TENM4: variants seen among roughly 807,000 people sequenced by gnomAD.
TENM4 encodes teneurin transmembrane protein 4, also known as teneurin-4.
A neutral mutation model predicts 243.3 loss-of-function variants in TENM4; 82 were observed. The observed-to-expected ratio is 0.34, with a 90% confidence interval of 0.28 to 0.40. The LOEUF is 0.40. Ranked by LOEUF, TENM4 falls within the 10% of genes least tolerant of loss-of-function variation. The pLI is 1.00. For missense variants in TENM4, 3,138 were observed against 3,673.3 expected, an observed-to-expected ratio of 0.85 and a Z score of 3.77; for synonymous variants, 1,412 against 1,456.3, an observed-to-expected ratio of 0.97 and a Z score of 0.69.
chr11:79,205,447 T>C (rs901909885), intron 3 of TENM4, among the ~76,000 whole-genome samples: 4 of 152,194 alleles, frequency 2.6e-5, no homozygotes, highest in Admixed American at 6.5e-5. Flanking sequence ...AGGATCCTCA[T>C]GTGTCCTTTT....
At chr11:78,783,020 A>T (rs955729748) in intron 16 of TENM4, among the ~76,000 whole-genome samples, 6 of 152,208 alleles carry the variant, frequency 3.9e-5, no homozygotes, top group African/African-American at 1.4e-4. Flanking sequence ...GTCAAGCTGG[A>T]ATTTTATTAA....
chr11:79,194,717 A>G (rs1863585937), intron 3 of TENM4, among the ~76,000 whole-genome samples: 1 of 152,240 alleles, frequency 6.6e-6, no homozygotes, highest in Non-Finnish European at 1.5e-5. Context: ...ATTCAGTTTT[A>G]TAAGGGAAAC....
At chr11:79,268,445 T>G (rs1380304392) in intron 2 of TENM4, among the ~76,000 whole-genome samples, 1 of 152,212 alleles carries the variant, frequency 6.6e-6, no homozygotes, top group African/African-American at 2.4e-5. Context: ...TCTCTTTAAA[T>G]CTTACTTTCC....
At chr11:78,890,609 G>A (rs959096615) in intron 8 of TENM4, among the ~76,000 whole-genome samples, 2 of 152,198 alleles carry the variant, frequency 1.3e-5, no homozygotes, top group Non-Finnish European at 2.9e-5. Flanking sequence ...CACAGCCAAT[G>A]GCAGCAAATG....
At chr11:78,671,660 G>A (rs1858329021) in intron 31 of TENM4, among the ~76,000 whole-genome samples, 1 of 152,188 alleles carries the variant, frequency 6.6e-6, no homozygotes, top group African/African-American at 2.4e-5. Flanking sequence ...TCCTGCCTAT[G>A]TACTGATGCC....
At chr11:78,713,928 G>A (rs185654694) in intron 25 of TENM4, among the ~76,000 whole-genome samples, 113 of 152,138 alleles carry the variant, frequency 7.4e-4, no homozygotes, top group African/African-American at 2.7e-3. Context: ...AACATTTGCC[G>A]GGCCCTAAAA....
At chr11:78,675,240 T>C (rs1171616958) in intron 30 of TENM4, among the ~76,000 whole-genome samples, 1 of 152,192 alleles carries the variant, frequency 6.6e-6, no homozygotes, top group Non-Finnish European at 1.5e-5. Context: ...ATCTCGATTG[T>C]CTCATGTGTA....
chr11:78,838,268 CT>C (rs1008814600), intron 12 of TENM4, among the ~76,000 whole-genome samples: 19 of 152,128 alleles, frequency 1.2e-4, no homozygotes, highest in African/African-American at 4.6e-4. Context: ...ATCATAATGC[CT>C]TTTTTCCTCC....
intron 32 of TENM4, among the ~76,000 whole-genome samples, chr11:78,663,201 GTCAA>G: frequency 6.6e-6 from 1 of 152,346 alleles, no homozygotes; most frequent in African/African-American, 2.4e-5. Flanking sequence ...CAAAGCAGAT[GTCAA>G]TCAGAGACTA....
intron 6 of TENM4, among the ~76,000 whole-genome samples, chr11:79,054,789 TAATA>T (rs1408595843): frequency 6.6e-6 from 1 of 152,098 alleles, no homozygotes; most frequent in African/African-American, 2.4e-5. Context: ...AAACCTATAA[TAATA>T]AATATATTTT....
At chr11:78,955,043 TG>T (rs1857179768) in intron 6 of TENM4, among the ~76,000 whole-genome samples, 1 of 152,196 alleles carries the variant, frequency 6.6e-6, no homozygotes, top group African/African-American at 2.4e-5. Flanking sequence ...AGTTTGTAAC[TG>T]GGAAACTGAG....
At chr11:79,304,730 G>A (rs945276615) in intron 1 of TENM4, among the ~76,000 whole-genome samples, 1 of 152,180 alleles carries the variant, frequency 6.6e-6, no homozygotes, top group East Asian at 1.9e-4. Flanking sequence ...AAATCCTAAT[G>A]TATTAACTGG....
At chr11:79,104,245 T>C (rs1159209030) in intron 4 of TENM4, among the ~76,000 whole-genome samples, 2 of 152,228 alleles carry the variant, frequency 1.3e-5, no homozygotes, top group Non-Finnish European at 2.9e-5. Flanking sequence ...AGTAAGCTTC[T>C]GAAAAGCAAG....
chr11:79,264,037 C>T (rs1855841709), intron 2 of TENM4, among the ~76,000 whole-genome samples: 1 of 152,170 alleles, frequency 6.6e-6, no homozygotes, highest in South Asian at 2.1e-4. Context: ...GTAGTATCTT[C>T]CTTAGGTCTT....
rs1388162494 is a variant in TENM4, at chr11:79,262,889, C to A, written c.-265+34599G>T. ...GATACATATAGGTGACTAATAGAGG[C>A]AGTGCTTAATAAATATTCCCTGAAT... On this transcript the variant is annotated intron_variant, in intron 2 of 33. Coordinates refer to ENST00000278550, the MANE Select transcript of TENM4 (RefSeq NM_001098816.3). Among the ~76,000 whole-genome samples the A allele has an allele frequency of 2.0e-5, 3 of 152,150 alleles. No homozygotes were observed. The East Asian group carries it at 5.8e-4, about 29-fold the overall frequency.
chr11:78,746,581 C>G (rs1487047607), intron 19 of TENM4, among the ~76,000 whole-genome samples: 4 of 152,238 alleles, frequency 2.6e-5, no homozygotes, highest in Non-Finnish European at 5.9e-5. Flanking sequence ...GAGCCCTTGA[C>G]TTGTCCACCA....
intron 15 of TENM4, among the ~76,000 whole-genome samples, chr11:78,797,342 G>GT (rs879866526): frequency 7.4e-4 from 112 of 151,718 alleles, no homozygotes; most frequent in Middle Eastern, 3.4e-3. Flanking sequence ...TGAAAGAACA[G>GT]TTTTTTTTTA....
intron 21 of TENM4, among the ~76,000 whole-genome samples, chr11:78,732,079 G>C (rs1276728970): frequency 3.9e-5 from 6 of 152,116 alleles, no homozygotes; most frequent in Non-Finnish European, 2.9e-5. Context: ...GTATAAACCA[G>C]AGTGTGCCAG....
At chr11:79,066,210 G>A (rs116846412) in intron 5 of TENM4, among the ~76,000 whole-genome samples, 4,789 of 152,298 alleles carry the variant, frequency 0.031, 111 homozygotes, top group Non-Finnish European at 0.05. Flanking sequence ...TGGGAGCGCA[G>A]GAGCAGAAGG....
Sources: allele counts gnomAD v4.1 joint callset (sites outside exome capture counted in the v4.1 genomes callset), GRCh38; gene constraint gnomAD v4.1.1; transcripts MANE v1.5; gene names NCBI Gene and HGNC (gene_info 2026-07-23, HGNC 2026-07-21).